The following SORL1 variants were observed in gnomAD, a reference collection of about 807,000 sequenced individuals.
SORL1 encodes the protein sortilin related receptor 1.
A neutral mutation model predicts 273.7 loss-of-function variants in SORL1; 127 were observed. That is an observed-to-expected ratio of 0.46 (90% CI 0.40 to 0.54). The LOEUF (loss-of-function observed/expected upper bound fraction) is 0.54, where lower values mean the gene tolerates loss of function less well. Among genes scored for constraint, SORL1 ranks in the 20% least tolerant of loss-of-function variants. The pLI is 0.00. For missense variants in SORL1, 2,494 were observed against 2,846.1 expected (o/e 0.88, Z 2.81); for synonymous variants, 1,031 against 1,067.4 (o/e 0.97, Z 0.66).
At chr11:121,543,847 C>A in intron 13 of SORL1, 121 bp downstream of exon 13, 1 of 852,570 alleles carries the variant, frequency 1.2e-6, no homozygotes, top group Non-Finnish European at 1.8e-6. Context: ...GGGAGATGGG[C>A]CCATAAGAGT....
Position 121,596,188 on chromosome 11 carries a change from G to A in SORL1, c.4519+416G>A, listed in dbSNP as rs1863292546. Among the ~76,000 whole-genome samples the A allele has an allele frequency of 6.6e-6, 1 of 152,192 alleles. No individual in the cohort carries two copies. The highest frequency in any genetic ancestry group is 1.9e-4 in the East Asian group (1 of 5,198). On this transcript the variant is annotated intron_variant, in intron 32 of 47. Coordinates refer to ENST00000260197, the MANE Select transcript of SORL1 (RefSeq NM_003105.6). This position sits in a 1 kb window ranked among gnomAD's most constrained non-coding sequence, Gnocchi z 4.3. ...TGTGTTATTAGAGGGTTTGCCTCTA[G>A]CACCCCATTAAGAAAATTCATTCTC...
chr11:121,577,011 G>A, intron 24 of SORL1: 1 of 1,388,110 alleles, frequency 7.2e-7, no homozygotes, highest in Non-Finnish European at 9.9e-7. Context: ...GCACTGGGAT[G>A]AATGGACAAG....
intron 1 of SORL1, among the ~76,000 whole-genome samples, chr11:121,469,177 G>T (rs899349998): frequency 6.6e-6 from 1 of 152,180 alleles, no homozygotes; most frequent in African/African-American, 2.4e-5. Flanking sequence ...GATGGGGAAA[G>T]AAAAGAGGAC....
At position 121,618,903 on chromosome 11, in the gene SORL1, C is replaced by T; in HGVS notation, c.5724+10C>T. The T allele has an allele frequency of 6.2e-7, 1 of 1,613,946 alleles. No homozygotes were observed. On this transcript the variant is annotated intron_variant, in intron 42 of 47. Transcript: ENST00000260197. ...GCAGTATTTGTTTCTGGTAAGTTTC[C>T]CATACCGTTTCAGTTTTTTAAGGGA...
chr11:121,512,901 C>T, intron 6 of SORL1, 102 bp from the exon 7 acceptor site: 1 of 786,490 alleles, frequency 1.3e-6, no homozygotes, highest in Non-Finnish European at 2.1e-6. Context: ...TTTGTGTTTC[C>T]AGTAGAACTG....
At chr11:121,626,099 C>T (rs1289938370) in intron 46 of SORL1, 2 of 152,242 alleles carry the variant, frequency 1.3e-5, no homozygotes, top group Non-Finnish European at 2.9e-5. Context: ...GAAGGTCCTA[C>T]AAAAACCAGC....
chr11:121,590,732 C>T, intron 30 of SORL1: 3 of 680,864 alleles, frequency 4.4e-6, no homozygotes. Flanking sequence ...TTTCACCAGC[C>T]CCTGCAAAAG....
chr11:121,589,750 T>A (rs1006630975), intron 29 of SORL1, among the ~76,000 whole-genome samples: 6 of 152,222 alleles, frequency 3.9e-5, no homozygotes, highest in Non-Finnish European at 8.8e-5. Flanking sequence ...CCATCAATAG[T>A]TGTTTTATTC....
intron 16 of SORL1, among the ~76,000 whole-genome samples, chr11:121,553,251 A>G (rs536868482): frequency 2.8e-4 from 43 of 152,312 alleles, no homozygotes; most frequent in African/African-American, 8.4e-4. Flanking sequence ...CAAGAGTTCT[A>G]CCATCAGGCA....
chr11:121,473,109 A>G (rs1861197808), intron 2 of SORL1, among the ~76,000 whole-genome samples: 1 of 152,246 alleles, frequency 6.6e-6, no homozygotes, highest in Admixed American at 6.5e-5. Context: ...TGATGTAAAA[A>G]GTTAATGTGA....
intron 14 of SORL1, among the ~76,000 whole-genome samples, chr11:121,549,523 G>A (rs538587702): frequency 5.9e-5 from 9 of 152,160 alleles, no homozygotes; most frequent in African/African-American, 1.9e-4. Context: ...CACCATGCCC[G>A]GCCCCAAATA....
At chr11:121,537,872 T>C (rs1421729179) in intron 12 of SORL1, among the ~76,000 whole-genome samples, 2 of 152,244 alleles carry the variant, frequency 1.3e-5, no homozygotes, top group Non-Finnish European at 2.9e-5. Flanking sequence ...TACTTCCTTT[T>C]GCATGAAAGC....
rs376993434 is a variant in SORL1, at chr11:121,570,171, C to A, written c.3238C>A (p.Arg1080Ser). The change falls in exon 23 of 48, where the codon CGC becomes AGC. Residue 1080 changes from arginine to serine, a missense_variant. Arg to Ser is a moderately radical substitution (Grantham distance 110). This residue lies in a region of SORL1 where 1,609 missense variants were observed against 1,816.4 expected (regional missense o/e 0.89). Coordinates refer to ENST00000260197, the MANE Select transcript of SORL1 (RefSeq NM_003105.6). ...TCVKQENTCL[R>S]NQYRCSNGNC... ...CTGATGGGTAGAGAACACCTGTCTT[C>A]GCAACCAGTATCGCTGCAGCAACGG... 1 of 1,613,630 alleles carries A rather than the reference C, an allele frequency of 6.2e-7. No homozygotes were observed. Among genetic ancestry groups the A allele is most frequent in the East Asian group, 2.2e-5 (1 of 44,886 alleles).
chr11:121,469,755 C>T (rs992096248), intron 1 of SORL1, among the ~76,000 whole-genome samples: 2 of 152,170 alleles, frequency 1.3e-5, no homozygotes, highest in African/African-American at 2.4e-5. Context: ...ATTGGTTATG[C>T]CAATGAGAGC....
chr11:121,491,827 T>C (rs1181066415), intron 5 of SORL1, among the ~76,000 whole-genome samples: 1 of 152,212 alleles, frequency 6.6e-6, no homozygotes, highest in Non-Finnish European at 1.5e-5. Flanking sequence ...TTCAAATAAA[T>C]TAGATCATTT....
chr11:121,553,945 G>A lies in SORL1; in HGVS notation c.2275G>A (p.Glu759Lys), dbSNP rs1272070582. 1.3e-5 allele frequency: 21 copies of A among 1,613,202 alleles called. No individual in the cohort carries two copies. Among genetic ancestry groups the A allele is most frequent in the East Asian group, 2.2e-5 (1 of 44,872 alleles). The change falls in exon 17 of 48, where the codon GAG becomes AAG. Residue 759 changes from glutamate to lysine, a missense_variant. Around this residue, in one of 3 missense-constraint regions of SORL1, gnomAD observed 710 missense variants for 882.5 expected, o/e 0.80. Coordinates refer to ENST00000260197, the MANE Select transcript of SORL1 (RefSeq NM_003105.6). ...LVPCPLAEEN[E>K]FILYAVRKSI... Reference sequence around the variant, plus strand: ...TCTTGTGTGTCTGGCAGAAGAGAACGAGTTCATTCTGTATGCTGTGAGGAA... The same window carrying A: ...TCTTGTGTGTCTGGCAGAAGAGAACAAGTTCATTCTGTATGCTGTGAGGAA...
chr11:121,584,552 C>T (rs1863064506), intron 26 of SORL1, among the ~76,000 whole-genome samples: 1 of 151,888 alleles, frequency 6.6e-6, no homozygotes, highest in Admixed American at 6.6e-5. Flanking sequence ...ACACAGAGCT[C>T]AGTTTGCAAA....
At chr11:121,471,189 G>T (rs567287006) in intron 2 of SORL1, among the ~76,000 whole-genome samples, 356 of 152,306 alleles carry the variant, frequency 2.3e-3, no homozygotes, top group African/African-American at 8.2e-3. Context: ...AAGGGCCTTT[G>T]GGGACCGGGA....
At chr11:121,543,197 A>G (rs1591319244) in intron 12 of SORL1, among the ~76,000 whole-genome samples, 1 of 149,664 alleles carries the variant, frequency 6.7e-6, no homozygotes, top group South Asian at 2.1e-4. Flanking sequence ...TCTCAAAAAA[A>G]AAGAAAAAAA....
Sources: gnomAD v4.1 joint callset for allele counts (sites outside exome capture counted in the v4.1 genomes callset) on GRCh38, gnomAD v4.1.1 for gene constraint, gnomAD v4.1.1 regional missense constraint, Gnocchi (gnomAD v3.1) non-coding constraint, MANE v1.5 for transcripts, NCBI Gene and HGNC (gene_info 2026-07-23, HGNC 2026-07-21) for gene names.